The following CFAP299 variants were observed in gnomAD, a reference collection of about 807,000 sequenced individuals.
The protein encoded by CFAP299 is cilia and flagella associated protein 299.
In CFAP299, 21 loss-of-function variants were observed where a neutral mutation model predicts 27.0. The observed-to-expected ratio is 0.78, with a 90% CI of 0.55 to 1.12. The LOEUF is 1.12. Ranked by LOEUF, CFAP299 falls within the 50% of genes most tolerant of loss-of-function variation. The pLI, the probability that CFAP299 is intolerant of heterozygous loss-of-function variation, is 0.00. For synonymous variants in CFAP299, 104 were observed against 98.1 expected, an observed-to-expected ratio of 1.06 and a Z score of -0.36; for missense variants, 310 against 276.6, an observed-to-expected ratio of 1.12 and a Z score of -0.86.
chr4:80,610,586 A>G (rs1283720387), intron 3 of CFAP299, among the ~76,000 whole-genome samples: 2 of 152,034 alleles, frequency 1.3e-5, no homozygotes, highest in African/African-American at 4.8e-5. Context: ...CTTAAAAATA[A>G]TAGTACAGAA....
intron 3 of CFAP299, among the ~76,000 whole-genome samples, chr4:80,856,103 C>G (rs1423793150): frequency 1.3e-5 from 2 of 151,622 alleles, no homozygotes; most frequent in African/African-American, 4.9e-5. Flanking sequence ...GCCATTCTAA[C>G]TGGTATGAGA....
chr4:80,389,888 T>C (rs949883602), intron 2 of CFAP299, among the ~76,000 whole-genome samples: 6 of 152,170 alleles, frequency 3.9e-5, no homozygotes, highest in African/African-American at 1.2e-4. Flanking sequence ...TAGCACATAG[T>C]AGAGCTGGAA....
chr4:80,880,410 T>C (rs1423809946), intron 4 of CFAP299, among the ~76,000 whole-genome samples: 2 of 152,054 alleles, frequency 1.3e-5, no homozygotes, highest in Non-Finnish European at 1.5e-5. Flanking sequence ...TACCAAAATA[T>C]TTTGAGGAGA....
intron 2 of CFAP299, among the ~76,000 whole-genome samples, chr4:80,397,875 A>G (rs1725899923): frequency 6.6e-6 from 1 of 152,110 alleles, no homozygotes; most frequent in Non-Finnish European, 1.5e-5. Flanking sequence ...GGTATTCGAT[A>G]AGGAAAAGAA....
rs184372392 is a variant in CFAP299, at chr4:80,499,033, G to A, written c.243-84060G>A. 2.5e-3 allele frequency among the ~76,000 whole-genome samples: 377 copies of A among 152,116 alleles called. 3 individuals carry two copies. Among genetic ancestry groups the A allele is most frequent in the African/African-American group, 8.3e-3 (345 of 41,520 alleles). On this transcript the variant is annotated intron_variant, in intron 2 of 5. Coordinates refer to ENST00000358105, the MANE Select transcript of CFAP299 (RefSeq NM_152770.3). The stretch of plus-strand genomic sequence containing the variant: ...ACTGCATGTTCTCACTTATAAGTGG[G>A]AACTAAACCCTGAGTACACATGGAC...
intron 4 of CFAP299, among the ~76,000 whole-genome samples, chr4:80,924,366 TACCTCTTGTTC>T (rs1343963401): frequency 6.6e-6 from 1 of 151,860 alleles, no homozygotes; most frequent in Non-Finnish European, 1.5e-5. Context: ...CTCCAGGTTC[TACCTCTTGTTC>T]ACCTTCATTG....
At chr4:80,669,613 G>T (rs1347416575) in intron 3 of CFAP299, among the ~76,000 whole-genome samples, 1 of 145,528 alleles carries the variant, frequency 6.9e-6, no homozygotes. Context: ...GTTTTTCTAC[G>T]TATAAGATTA....
chr4:80,437,505 C>T (rs1244112037), intron 2 of CFAP299, among the ~76,000 whole-genome samples: 1 of 152,170 alleles, frequency 6.6e-6, no homozygotes, highest in Non-Finnish European at 1.5e-5. Flanking sequence ...TGGAGGCGAG[C>T]TGATACCCTG....
intron 4 of CFAP299, among the ~76,000 whole-genome samples, chr4:80,937,987 CTT>C (rs1290956547): frequency 6.6e-6 from 1 of 152,112 alleles, no homozygotes; most frequent in Non-Finnish European, 1.5e-5. Context: ...AAAAACTTAA[CTT>C]TGATCACAAA....
At chr4:80,529,662 T>G (rs1453931185) in intron 2 of CFAP299, among the ~76,000 whole-genome samples, 1 of 152,198 alleles carries the variant, frequency 6.6e-6, no homozygotes, top group African/African-American at 2.4e-5. Flanking sequence ...TGTTTTAATT[T>G]CTATTTTATT....
intron 3 of CFAP299, among the ~76,000 whole-genome samples, chr4:80,831,196 A>G (rs1436132382): frequency 1.3e-5 from 2 of 152,166 alleles, no homozygotes; most frequent in Non-Finnish European, 2.9e-5. Flanking sequence ...GTTTTCAAAC[A>G]TTTTACTGGA....
chr4:80,418,745 A>G (rs1466725644), intron 2 of CFAP299, among the ~76,000 whole-genome samples: 1 of 152,122 alleles, frequency 6.6e-6, no homozygotes, highest in African/African-American at 2.4e-5. Context: ...AGCATGCAGT[A>G]TTTGTCCGTA....
chr4:80,799,483 T>G (rs1400235836), intron 3 of CFAP299, among the ~76,000 whole-genome samples: 1 of 88,460 alleles, frequency 1.1e-5, no homozygotes, highest in South Asian at 3.6e-4. Flanking sequence ...ATATATTTAT[T>G]AAATATATAT....
chr4:80,945,539 A>G (rs1392294320), intron 5 of CFAP299, among the ~76,000 whole-genome samples: 1 of 152,032 alleles, frequency 6.6e-6, no homozygotes, highest in African/African-American at 2.4e-5. Context: ...GATTTGTCCT[A>G]TGTCTCGGGA....
chr4:80,878,531 A>T (rs1733533592), intron 4 of CFAP299, among the ~76,000 whole-genome samples: 1 of 152,146 alleles, frequency 6.6e-6, no homozygotes, highest in Non-Finnish European at 1.5e-5. Context: ...CATTCCTCTA[A>T]AAAGATATAT....
chr4:80,483,453 G>A (rs1434914595), intron 2 of CFAP299, among the ~76,000 whole-genome samples: 2 of 151,774 alleles, frequency 1.3e-5, no homozygotes, highest in Non-Finnish European at 2.9e-5. Flanking sequence ...CTTATCATTG[G>A]ATTATGATTA....
chr4:80,524,443 T>C (rs999654614), intron 2 of CFAP299, among the ~76,000 whole-genome samples: 5 of 151,854 alleles, frequency 3.3e-5, no homozygotes, highest in Non-Finnish European at 7.4e-5. Flanking sequence ...TTCTCCCTAC[T>C]AGATGCCAGT....
chr4:80,835,510 C>G (rs1433464087), intron 3 of CFAP299, among the ~76,000 whole-genome samples: 1 of 151,770 alleles, frequency 6.6e-6, no homozygotes, highest in African/African-American at 2.4e-5. Flanking sequence ...TATGAGCACT[C>G]CAGAAGTCAG....
intron 3 of CFAP299, among the ~76,000 whole-genome samples, chr4:80,828,003 T>A (rs1310510020): frequency 6.6e-6 from 1 of 151,976 alleles, no homozygotes; most frequent in Admixed American, 6.6e-5. Context: ...GTTAACAACC[T>A]ATACAGTGAA....
Sources: gnomAD v4.1 joint callset for allele counts (sites outside exome capture counted in the v4.1 genomes callset) on GRCh38, gnomAD v4.1.1 for gene constraint, MANE v1.5 for transcripts, NCBI Gene and HGNC (gene_info 2026-07-23, HGNC 2026-07-21) for gene names.